PDGFD: variants seen among roughly 807,000 people sequenced by gnomAD.
PDGFD encodes the protein platelet-derived growth factor D.
Under a neutral mutation model 44.7 loss-of-function variants are expected in PDGFD, and 30 were observed. The observed-to-expected ratio is 0.67, with a 90% CI of 0.50 to 0.91. The LOEUF (loss-of-function observed/expected upper bound fraction) is 0.91. Among genes scored for constraint, PDGFD ranks in the 40% least tolerant of loss-of-function variants. The probability of loss-of-function intolerance (pLI) is 0.00; values close to 1 mark genes in which losing one functional copy is unlikely to be tolerated. For missense variants in PDGFD, 445 were observed against 457.8 expected (o/e 0.97, Z 0.25); for synonymous variants, 173 against 168.4 (o/e 1.03, Z -0.21).
chr11:103,966,699 CA>C (rs1859025607), intron 3 of PDGFD, among the ~76,000 whole-genome samples: 1 of 152,304 alleles, frequency 6.6e-6, no homozygotes, highest in South Asian at 2.1e-4. Flanking sequence ...GGATTTCTGA[CA>C]TTGGTTGTTT....
chr11:103,981,210 G>T (rs1024693003), intron 3 of PDGFD, among the ~76,000 whole-genome samples: 1 of 151,498 alleles, frequency 6.6e-6, no homozygotes, highest in Non-Finnish European at 1.5e-5. Flanking sequence ...AGTCAGGTTG[G>T]CTCTTTCTTG....
rs747833271 is a variant in PDGFD, at chr11:103,937,650, C to T, written c.772+5802G>A. Among the ~76,000 whole-genome samples the T allele has an allele frequency of 4.0e-5, 6 of 150,842 alleles. No individual in the cohort carries two copies. The East Asian group carries it at 1.2e-3, about 30-fold the overall frequency. ...CATGTGCCATGTTGGTGTGCTGCAC[C>T]CATTAACTCGTCATTTAACATTAGG... On this transcript the variant is annotated intron_variant, in intron 5 of 6. Transcript: ENST00000393158.
intron 1 of PDGFD, among the ~76,000 whole-genome samples, chr11:104,056,275 C>A (rs1444462857): frequency 1.3e-5 from 2 of 152,110 alleles, no homozygotes; most frequent in Non-Finnish European, 2.9e-5. Flanking sequence ...TTTATTTTCA[C>A]AGTTAATTTC....
intron 6 of PDGFD, among the ~76,000 whole-genome samples, chr11:103,912,376 A>T (rs937463246): frequency 3.3e-5 from 5 of 152,196 alleles, no homozygotes; most frequent in Non-Finnish European, 7.3e-5. Flanking sequence ...ATCCAGCCAA[A>T]CCAAGCTTCC....
At chr11:104,014,114 T>C (rs538778394) in intron 1 of PDGFD, among the ~76,000 whole-genome samples, 149 of 152,266 alleles carry the variant, frequency 9.8e-4, no homozygotes, top group African/African-American at 3.4e-3. Flanking sequence ...CCCAGAAACA[T>C]AGAGACAGAA....
At chr11:104,036,753 G>T in intron 1 of PDGFD, 1 of 1,276,776 alleles carries the variant, frequency 7.8e-7, no homozygotes, top group South Asian at 1.3e-5. Context: ...CACCAACGAC[G>T]CAGGCCCGCC....
rs1196245391 is a variant in PDGFD at position 103,944,237 on chromosome 11, G to GA, written c.574-588dup. Among the ~76,000 whole-genome samples, 7 of 152,314 alleles carry GA rather than the reference G, an allele frequency of 4.6e-5. No individual in the cohort carries two copies. The East Asian group carries it at 9.6e-4, about 21-fold the overall frequency. On this transcript the variant is annotated intron_variant, in intron 4 of 6. Coordinates refer to ENST00000393158, the MANE Select transcript of PDGFD (RefSeq NM_025208.5). ...GAAATTGGCTCTCTTGACTTAAAAGGAGAGGATTCACATGGGGAACATATT... is the reference window on the plus strand; with the variant it reads ...GAAATTGGCTCTCTTGACTTAAAAGGAAGAGGATTCACATGGGGAACATATT...
intron 1 of PDGFD, among the ~76,000 whole-genome samples, chr11:104,023,338 C>A (rs933081677): frequency 6.6e-6 from 1 of 152,140 alleles, no homozygotes; most frequent in African/African-American, 2.4e-5. Context: ...TTTACAGGAG[C>A]TCTTGATATC....
At chr11:104,141,686 T>C (rs1195649673) in intron 1 of PDGFD, among the ~76,000 whole-genome samples, 1 of 152,092 alleles carries the variant, frequency 6.6e-6, no homozygotes, top group Non-Finnish European at 1.5e-5. Flanking sequence ...CACATGTCCC[T>C]ATATGAGTGA....
At chr11:104,015,568 C>T (rs1325022249) in intron 1 of PDGFD, among the ~76,000 whole-genome samples, 1 of 152,138 alleles carries the variant, frequency 6.6e-6, no homozygotes, top group African/African-American at 2.4e-5. Flanking sequence ...ATCTATTTAA[C>T]TTTATCCTTA....
In PDGFD at chr11:103,926,948, T is replaced by C. The variant is rs541664073; in HGVS notation, c.951A>G (p.Thr317=). ...TTTTCACGGTTTTCCCTGAATTGCA[T>C]GTGCAGGACCTCCAGTTGACAGTTC... ...GCGTVNWRSC[T]CNSGKTVKKY... Residue 317 remains threonine, a synonymous_variant, in exon 6 of 7, where the codon ACA becomes ACG. Transcript: ENST00000393158. The C allele has an allele frequency of 9.9e-6, 16 of 1,614,074 alleles. No individual in the cohort carries two copies. Among genetic ancestry groups the C allele is most frequent in the Non-Finnish European group, 1.4e-5 (16 of 1,180,032 alleles).
chr11:103,981,749 G>C (rs191260533), intron 3 of PDGFD, among the ~76,000 whole-genome samples: 1 of 151,924 alleles, frequency 6.6e-6, no homozygotes, highest in East Asian at 1.9e-4. Flanking sequence ...TGAGGCCTTA[G>C]TTAATATCTG....
At chr11:104,062,204 C>T (rs1860727912) in intron 1 of PDGFD, among the ~76,000 whole-genome samples, 1 of 152,164 alleles carries the variant, frequency 6.6e-6, no homozygotes, top group South Asian at 2.1e-4. Flanking sequence ...CACCTGGTTC[C>T]CAGACAGCAC....
At chr11:104,121,178 A>C (rs1003268897) in intron 1 of PDGFD, among the ~76,000 whole-genome samples, 1 of 152,066 alleles carries the variant, frequency 6.6e-6, no homozygotes, top group African/African-American at 2.4e-5. Flanking sequence ...ATTTTAAAGA[A>C]CAAATTGAAA....
At chr11:103,969,927 T>G (rs923069358) in intron 3 of PDGFD, among the ~76,000 whole-genome samples, 4 of 152,028 alleles carry the variant, frequency 2.6e-5, no homozygotes, top group Admixed American at 6.6e-5. Context: ...AATAAAGACT[T>G]AGAAATTTAA....
chr11:104,047,144 T>C (rs1418259147), intron 1 of PDGFD, among the ~76,000 whole-genome samples: 3 of 147,734 alleles, frequency 2.0e-5, no homozygotes, highest in East Asian at 3.9e-4. Context: ...CTATCATTGA[T>C]GGGCATTTGG....
At chr11:104,022,480 A>T (rs190202715) in intron 1 of PDGFD, among the ~76,000 whole-genome samples, 1 of 152,244 alleles carries the variant, frequency 6.6e-6, no homozygotes, top group Non-Finnish European at 1.5e-5. Context: ...TAACATATAA[A>T]ACCTGCAGCA....
At chr11:103,980,944 G>A (rs540994380) in intron 3 of PDGFD, among the ~76,000 whole-genome samples, 17 of 152,106 alleles carry the variant, frequency 1.1e-4, no homozygotes, top group South Asian at 6.2e-4. Flanking sequence ...TATAAGCCAC[G>A]AAGTCTAAGG....
intron 1 of PDGFD, among the ~76,000 whole-genome samples, chr11:104,065,058 G>A (rs1484552059): frequency 6.6e-6 from 1 of 152,138 alleles, no homozygotes; most frequent in Non-Finnish European, 1.5e-5. Context: ...AAAGGAGGCA[G>A]AAGAACGTTG....
Sources: gnomAD v4.1 joint callset for allele counts (sites outside exome capture counted in the v4.1 genomes callset) on GRCh38, gnomAD v4.1.1 for gene constraint, MANE v1.5 for transcripts, NCBI Gene and HGNC (gene_info 2026-07-23, HGNC 2026-07-21) for gene names.